THSD7B: variants seen among roughly 807,000 people sequenced by gnomAD.
The protein encoded by THSD7B is thrombospondin type 1 domain containing 7B.
Under a neutral mutation model 213.6 loss-of-function variants are expected in THSD7B, and 138 were observed. That is an observed-to-expected ratio of 0.65 (90% CI 0.56 to 0.74). The LOEUF is 0.74. THSD7B is among the 30% of genes least tolerant of loss of function. THSD7B has a pLI of 0.00. For synonymous variants in THSD7B, 742 were observed against 687.0 expected (o/e 1.08, Z -1.25); for missense variants, 1,931 against 1,991.5 (o/e 0.97, Z 0.58).
intron 7 of THSD7B, among the ~76,000 whole-genome samples, chr2:137,191,472 G>T (rs1680658637): frequency 6.6e-6 from 1 of 151,890 alleles, no homozygotes; most frequent in African/African-American, 2.4e-5. Flanking sequence ...TGAGACAGCT[G>T]GCTGGGGAGC....
rs1165661988 is a variant in THSD7B at position 137,580,488 on chromosome 2, T to C, written c.3423+7932T>C. ...CTTAGGATTTCCTGACATACACCCA[T>C]ATAATATACAATAATGACTTTTACC... On this transcript the variant is annotated intron_variant, in intron 17 of 27. Coordinates refer to ENST00000409968, the MANE Select transcript of THSD7B (RefSeq NM_001316349.2). Among the ~76,000 whole-genome samples the C allele has an allele frequency of 2.6e-5, 4 of 152,332 alleles. No individual in the cohort carries two copies. The South Asian group carries it at 6.2e-4, about 24-fold the overall frequency.
intron 15 of THSD7B, among the ~76,000 whole-genome samples, chr2:137,496,245 A>G (rs1679563692): frequency 6.6e-6 from 1 of 152,200 alleles, no homozygotes; most frequent in Non-Finnish European, 1.5e-5. Context: ...TTCCAGGTCC[A>G]ATGCTCTTAG....
At chr2:136,869,316 T>C (rs563205555) in intron 1 of THSD7B, among the ~76,000 whole-genome samples, 36 of 152,324 alleles carry the variant, frequency 2.4e-4, no homozygotes, top group African/African-American at 8.7e-4. Context: ...ATTCCTAAAG[T>C]TATAAAATTT....
chr2:137,263,434 C>A (rs1045992293), intron 10 of THSD7B, among the ~76,000 whole-genome samples: 15 of 152,072 alleles, frequency 9.9e-5, no homozygotes, highest in African/African-American at 3.4e-4. Flanking sequence ...TGCCCAAGGT[C>A]ATATAGCAAT....
chr2:137,091,695 A>G (rs553728422), intron 3 of THSD7B, among the ~76,000 whole-genome samples: 1 of 152,034 alleles, frequency 6.6e-6, no homozygotes, highest in East Asian at 1.9e-4. Context: ...AATCTCTTAT[A>G]AGGACACCAG....
intron 12 of THSD7B, among the ~76,000 whole-genome samples, chr2:137,327,840 T>G (rs567275735): frequency 1.3e-5 from 2 of 152,360 alleles, no homozygotes; most frequent in South Asian, 4.1e-4. Context: ...AGAAAAGCTG[T>G]CAACATCCAC....
chr2:136,972,929 T>A (rs1685426802), intron 2 of THSD7B, among the ~76,000 whole-genome samples: 1 of 152,146 alleles, frequency 6.6e-6, no homozygotes, highest in African/African-American at 2.4e-5. Flanking sequence ...AGTTTGAGAT[T>A]CAGATAAATT....
intron 13 of THSD7B, among the ~76,000 whole-genome samples, chr2:137,406,340 A>C (rs1239731157): frequency 1.3e-5 from 2 of 152,194 alleles, no homozygotes; most frequent in African/African-American, 4.8e-5. Context: ...CAGCTGCAAA[A>C]ATTTAATGGG....
At chr2:137,177,254 C>A (rs563786100) in intron 7 of THSD7B, among the ~76,000 whole-genome samples, 1 of 152,248 alleles carries the variant, frequency 6.6e-6, no homozygotes, top group African/African-American at 2.4e-5. Context: ...ATCTGGGTAA[C>A]ATACATCATC....
intron 12 of THSD7B, among the ~76,000 whole-genome samples, chr2:137,371,303 C>T (rs941130940): frequency 9.2e-5 from 14 of 152,054 alleles, no homozygotes; most frequent in Non-Finnish European, 1.5e-4. Context: ...TTTCTAATCA[C>T]GAATATCTGA....
chr2:137,515,934 G>A (rs573637094), intron 15 of THSD7B, among the ~76,000 whole-genome samples: 1 of 152,318 alleles, frequency 6.6e-6, no homozygotes, highest in South Asian at 2.1e-4. Context: ...ATAGATTTGT[G>A]ATGGCAGCAC....
chr2:136,988,938 T>G (rs1685715665), intron 2 of THSD7B, among the ~76,000 whole-genome samples: 1 of 152,194 alleles, frequency 6.6e-6, no homozygotes, highest in Admixed American at 6.5e-5. Flanking sequence ...AAAGTTTACA[T>G]TTTACCAAGG....
chr2:136,871,864 C>T (rs1419435267), intron 1 of THSD7B, among the ~76,000 whole-genome samples: 2 of 152,120 alleles, frequency 1.3e-5, no homozygotes, highest in Non-Finnish European at 1.5e-5. Flanking sequence ...TATGCAATTG[C>T]CATCATAAAT....
At chr2:137,595,352 A>G (rs1345269418) in intron 17 of THSD7B, among the ~76,000 whole-genome samples, 5 of 151,990 alleles carry the variant, frequency 3.3e-5, no homozygotes, top group African/African-American at 7.2e-5. Flanking sequence ...TGGCAGTAAT[A>G]TGGGTAACTT....
At chr2:137,484,387 A>G (rs1688380547) in intron 15 of THSD7B, among the ~76,000 whole-genome samples, 4 of 134,708 alleles carry the variant, frequency 3.0e-5, no homozygotes, top group African/African-American at 8.5e-5. Flanking sequence ...TCCATGGTGT[A>G]TATGTGCCAC....
At chr2:137,041,466 C>A (rs7584652) in intron 2 of THSD7B, among the ~76,000 whole-genome samples, 87,979 of 151,182 alleles carry the variant, frequency 0.58, 29,497 homozygotes, top group Non-Finnish European at 0.73. Context: ...ATGTATGTGC[C>A]CACAGAAGAA....
At chr2:137,553,423 A>C (rs10496778) in intron 15 of THSD7B, among the ~76,000 whole-genome samples, 11,060 of 152,276 alleles carry the variant, frequency 0.073, 444 homozygotes, top group African/African-American at 0.086. Flanking sequence ...CTAGAGAAGC[A>C]GTATCAGAAA....
chr2:137,172,571 A>G (rs1445125358), intron 7 of THSD7B, among the ~76,000 whole-genome samples: 1 of 152,202 alleles, frequency 6.6e-6, no homozygotes, highest in African/African-American at 2.4e-5. Flanking sequence ...TTTCCTCATG[A>G]ATCTCTTCTG....
chr2:137,621,730 G>T (rs1466429266), intron 20 of THSD7B, among the ~76,000 whole-genome samples: 1 of 152,138 alleles, frequency 6.6e-6, no homozygotes, highest in East Asian at 1.9e-4. Flanking sequence ...AGAAATCCTG[G>T]TACACTGTTA....
Sources: gnomAD v4.1 joint callset for allele counts (sites outside exome capture counted in the v4.1 genomes callset) on GRCh38, gnomAD v4.1.1 for gene constraint, MANE v1.5 for transcripts, NCBI Gene and HGNC (gene_info 2026-07-23, HGNC 2026-07-21) for gene names.